Variants in NHERF1 observed in about 807,000 individuals in gnomAD.
NHERF1 encodes the protein Na(+)/H(+) exchange regulatory cofactor NHE-RF1.
the NHERF1 span, among the ~76,000 whole-genome samples, chr17:74,755,367 C>G: frequency 6.6e-6 from 1 of 152,310 alleles, no homozygotes; most frequent in Non-Finnish European, 1.5e-5. Context: ...TACCCCCGCC[C>G]TCACTCCCCA....
the NHERF1 span, among the ~76,000 whole-genome samples, chr17:74,761,038 T>C: frequency 1.4e-3 from 211 of 152,360 alleles, no homozygotes; most frequent in African/African-American, 4.9e-3. This position sits in a 1 kb window ranked among gnomAD's most constrained non-coding sequence, Gnocchi z 4.3. Context: ...AGGCTTCGGC[T>C]GCCTACACCC....
At chr17:74,763,058 C>A in the NHERF1 span, 1 of 298,572 alleles carries the variant, frequency 3.3e-6, no homozygotes, top group Non-Finnish European at 6.3e-6. Context: ...AAGTCCTTAC[C>A]CAGGCTGGGC....
At chr17:74,766,294 TCAAA>T in the NHERF1 span, among the ~76,000 whole-genome samples, 4 of 152,198 alleles carry the variant, frequency 2.6e-5, no homozygotes, top group Admixed American at 2.0e-4. Context: ...CCTTCTGGGT[TCAAA>T]CAATTTTCCC....
At chr17:74,761,822 C>T in the NHERF1 span, among the ~76,000 whole-genome samples, 3 of 152,188 alleles carry the variant, frequency 2.0e-5, no homozygotes, top group Non-Finnish European at 2.9e-5. The surrounding 1 kb of genome is among the most constrained non-coding windows in gnomAD (Gnocchi z 4.3). Context: ...CAGTTAGCTG[C>T]GGTGCTGGGT....
the NHERF1 span, among the ~76,000 whole-genome samples, chr17:74,761,295 A>G: frequency 6.6e-6 from 1 of 151,824 alleles, no homozygotes; most frequent in Non-Finnish European, 1.5e-5. The surrounding 1 kb of genome is among the most constrained non-coding windows in gnomAD (Gnocchi z 4.3). Flanking sequence ...TTCCGTTGCC[A>G]CCTCTGCCCT....
At chr17:74,768,333 T>C in the NHERF1 span, 3 of 1,375,598 alleles carry the variant, frequency 2.2e-6, no homozygotes, top group Non-Finnish European at 3.1e-6. Flanking sequence ...TGAGGTCACA[T>C]GCTGAGCCGC....
At chr17:74,768,767 C>A in the NHERF1 span, 1 of 881,950 alleles carries the variant, frequency 1.1e-6, no homozygotes, top group South Asian at 1.6e-5. Context: ...CACCCACATC[C>A]CCTTTCTTGA....
chr17:74,768,260 GC>G, the NHERF1 span: 1 of 1,570,070 alleles, frequency 6.4e-7, no homozygotes, highest in African/African-American at 1.3e-5. Context: ...GCGGGGGGTG[GC>G]AACTGGGTTA....
the NHERF1 span, chr17:74,761,861 C>A: frequency 1.3e-6 from 1 of 741,750 alleles, no homozygotes; most frequent in Admixed American, 2.0e-5. This position sits in a 1 kb window ranked among gnomAD's most constrained non-coding sequence, Gnocchi z 4.3. Context: ...AGTCCTGGGC[C>A]AGAACCCTCT....
chr17:74,767,359 C>G, the NHERF1 span, among the ~76,000 whole-genome samples: 16 of 152,306 alleles, frequency 1.1e-4, no homozygotes, highest in Admixed American at 5.2e-4. Flanking sequence ...CCTCCTCCCC[C>G]CTTCCCTGGG....
chr17:74,756,475 C>T, the NHERF1 span, among the ~76,000 whole-genome samples: 4 of 151,896 alleles, frequency 2.6e-5, no homozygotes, highest in South Asian at 6.2e-4. Context: ...GACAGGGTTT[C>T]ACCATGTTGG....
chr17:74,762,093 C>T, the NHERF1 span: 1 of 1,614,144 alleles, frequency 6.2e-7, no homozygotes, highest in Non-Finnish European at 8.5e-7. This position sits in a 1 kb window ranked among gnomAD's most constrained non-coding sequence, Gnocchi z 4.2. Flanking sequence ...CAAGTCCAAG[C>T]CAGGCCAGTT....
At chr17:74,748,787 C>T in the NHERF1 span, 2 of 1,406,318 alleles carry the variant, frequency 1.4e-6, no homozygotes, top group Non-Finnish European at 1.9e-6. The surrounding 1 kb of genome is among the most constrained non-coding windows in gnomAD (Gnocchi z 4.3). Flanking sequence ...AAGGGCTGGG[C>T]CGTCCCGTCC....
chr17:74,757,977 C>T, the NHERF1 span, among the ~76,000 whole-genome samples: 2 of 152,234 alleles, frequency 1.3e-5, no homozygotes, highest in Non-Finnish European at 2.9e-5. Context: ...CTCTGGGGTC[C>T]TGAGCTAGCT....
the NHERF1 span, among the ~76,000 whole-genome samples, chr17:74,758,361 G>A: frequency 1.3e-5 from 2 of 152,178 alleles, no homozygotes; most frequent in Non-Finnish European, 2.9e-5. The surrounding 1 kb of genome is among the most constrained non-coding windows in gnomAD (Gnocchi z 4.3). Context: ...AGGGTGTGGG[G>A]GCAGCTCTCC....
the NHERF1 span, among the ~76,000 whole-genome samples, chr17:74,756,994 G>C: frequency 6.6e-6 from 1 of 152,154 alleles, no homozygotes; most frequent in East Asian, 1.9e-4. Context: ...GATGAGGAAG[G>C]ATGCAGCAGG....
chr17:74,751,793 C>T, the NHERF1 span, among the ~76,000 whole-genome samples: 3 of 152,230 alleles, frequency 2.0e-5, no homozygotes, highest in Admixed American at 1.3e-4. The surrounding 1 kb of genome is among the most constrained non-coding windows in gnomAD (Gnocchi z 4.3). Context: ...TTCAGAGTGC[C>T]GGCCGGGCAG....
the NHERF1 span, among the ~76,000 whole-genome samples, chr17:74,753,741 A>AG: frequency 1.6e-5 from 2 of 121,762 alleles, no homozygotes; most frequent in South Asian, 5.5e-4. Flanking sequence ...AAACAGGGGG[A>AG]GGGGGGTGAA....
chr17:74,762,285 A>C, the NHERF1 span: 1 of 616,746 alleles, frequency 1.6e-6, no homozygotes, highest in Non-Finnish European at 2.8e-6. The surrounding 1 kb of genome is among the most constrained non-coding windows in gnomAD (Gnocchi z 4.2). Context: ...GGCATAGCCA[A>C]CCTGGAGCTG....
Sources: gnomAD v4.1 joint callset for allele counts (sites outside exome capture counted in the v4.1 genomes callset) on GRCh38, gnomAD v4.1.1 for gene constraint, Gnocchi (gnomAD v3.1) non-coding constraint, MANE v1.5 for transcripts, NCBI Gene and HGNC (gene_info 2026-07-23, HGNC 2026-07-21) for gene names.